CEP89: variants seen among roughly 807,000 people sequenced by gnomAD.
CEP89 encodes the protein centrosomal protein of 89 kDa.
In CEP89, 95 loss-of-function variants were observed where a neutral mutation model predicts 97.6. The ratio of observed to expected loss-of-function variants is 0.97; its 90% CI spans 0.82 to 1.15. The LOEUF (loss-of-function observed/expected upper bound fraction) is 1.15. Among genes scored for constraint, CEP89 ranks in the 50% most tolerant of loss-of-function variants. The pLI is 0.00. For missense variants in CEP89, 869 were observed against 947.7 expected (o/e 0.92, Z 1.09); for synonymous variants, 354 against 349.1 (o/e 1.01, Z -0.16).
chr19:32,887,954 T>C (rs991371596), intron 16 of CEP89, 113 bp from the exon 17 acceptor site: 26 of 679,530 alleles, frequency 3.8e-5, no homozygotes, highest in Admixed American at 2.4e-4. Context: ...TTCTGCAACC[T>C]GTCCTGCCTC....
chr19:32,927,269 T>G (rs2163808), intron 9 of CEP89, among the ~76,000 whole-genome samples: 66,332 of 151,976 alleles, frequency 0.44, 14,882 homozygotes, highest in East Asian at 0.65. Flanking sequence ...TGAAATGTTT[T>G]AGAGTAATTT....
intron 14 of CEP89, among the ~76,000 whole-genome samples, chr19:32,915,014 C>A (rs1970091106): frequency 6.6e-6 from 1 of 151,682 alleles, no homozygotes; most frequent in South Asian, 2.1e-4. Flanking sequence ...GAGTGAGAGT[C>A]CGTCCCAAAA....
At chr19:32,884,004 C>A (rs1969341414) in intron 17 of CEP89, among the ~76,000 whole-genome samples, 1 of 152,150 alleles carries the variant, frequency 6.6e-6, no homozygotes, top group African/African-American at 2.4e-5. Flanking sequence ...CAGGATCTCA[C>A]TATGTTGCCC....
intron 7 of CEP89, among the ~76,000 whole-genome samples, chr19:32,935,629 G>C (rs965505311): frequency 6.6e-6 from 1 of 152,186 alleles, no homozygotes; most frequent in Admixed American, 6.5e-5. Context: ...AAGTTAATCT[G>C]ACGCGGAGGA....
At chr19:32,935,119 G>A (rs1970553259) in intron 7 of CEP89, among the ~76,000 whole-genome samples, 1 of 152,198 alleles carries the variant, frequency 6.6e-6, no homozygotes, top group Non-Finnish European at 1.5e-5. Context: ...CAGGCCCTGA[G>A]GGCAGAAAGG....
intron 16 of CEP89, among the ~76,000 whole-genome samples, chr19:32,888,494 C>T (rs971749239): frequency 1.3e-5 from 2 of 152,042 alleles, no homozygotes; most frequent in African/African-American, 4.8e-5. Context: ...CTCCAGGTCA[C>T]ATGGAAAATC....
At chr19:32,887,581 G>A (rs1366386453) in intron 17 of CEP89, among the ~76,000 whole-genome samples, 171 bp downstream of exon 17, 1 of 152,104 alleles carries the variant, frequency 6.6e-6, no homozygotes, top group Non-Finnish European at 1.5e-5. Flanking sequence ...AAAGTTTATT[G>A]AATGAGGTGA....
At chr19:32,916,610 T>C (rs952634245) in intron 13 of CEP89, among the ~76,000 whole-genome samples, 2 of 152,238 alleles carry the variant, frequency 1.3e-5, no homozygotes, top group Non-Finnish European at 2.9e-5. Context: ...AATATTTTCA[T>C]CCTGTGTTAC....
intron 15 of CEP89, among the ~76,000 whole-genome samples, chr19:32,900,218 T>C (rs546248797): frequency 4.6e-5 from 7 of 150,590 alleles, no homozygotes; most frequent in African/African-American, 1.5e-4. Context: ...ATAAGAGGAG[T>C]TGCAAATGTC....
intron 14 of CEP89, among the ~76,000 whole-genome samples, chr19:32,915,056 T>C (rs1487568569): frequency 6.6e-6 from 1 of 151,742 alleles, no homozygotes; most frequent in Non-Finnish European, 1.5e-5. Flanking sequence ...TTCAGACACC[T>C]GTGCCACTAT....
At chr19:32,887,696 A>G (rs1969428879) in intron 17 of CEP89, 56 bp downstream of exon 17, 1 of 1,025,298 alleles carries the variant, frequency 9.8e-7, no homozygotes, top group Non-Finnish European at 1.5e-6. Context: ...AATCCACAGC[A>G]GTGAGCCTGC....
chr19:32,899,910 G>A lies in CEP89; in HGVS notation c.1822C>T (p.Leu608Phe), dbSNP rs1969727918. The change falls in exon 16 of 19, where the codon CTT (leucine) becomes TTT (phenylalanine). Residue 608 changes from leucine to phenylalanine, a missense_variant. Leu to Phe is a conservative substitution (Grantham distance 22). Transcript: ENST00000305768. ...EMSAHQYLAN[L>F]VGLAENITQE... ...GTTATGTTTTCTGCCAGGCCAACAAGGTTTGCCAGGTACTGATGAGCAGAC... is the reference window on the plus strand; with the variant it reads ...GTTATGTTTTCTGCCAGGCCAACAAAGTTTGCCAGGTACTGATGAGCAGAC... The A allele has an allele frequency of 7.4e-6, 12 of 1,613,726 alleles. No homozygotes were observed. The highest frequency in any genetic ancestry group is 1.0e-5 in the Non-Finnish European group (12 of 1,179,668).
chr19:32,900,313 A>G (rs1969738447), intron 15 of CEP89, among the ~76,000 whole-genome samples: 1 of 147,862 alleles, frequency 6.8e-6, no homozygotes, highest in African/African-American at 2.5e-5. Context: ...TGGCATGATC[A>G]TGGCTCACTG....
At chr19:32,959,611 T>G (rs1971121390) in intron 3 of CEP89, among the ~76,000 whole-genome samples, 2 of 152,164 alleles carry the variant, frequency 1.3e-5, no homozygotes, top group South Asian at 4.1e-4. Flanking sequence ...ATTAGCTCTG[T>G]GCCGCTGTGA....
chr19:32,925,658 T>C (rs1970342318), intron 11 of CEP89, among the ~76,000 whole-genome samples: 1 of 151,972 alleles, frequency 6.6e-6, no homozygotes, highest in Non-Finnish European at 1.5e-5. Context: ...CAGCTAATTT[T>C]TGTATTTTTA....
chr19:32,918,884 C>CTTTTTTTTTTTT (rs11339528), intron 12 of CEP89, among the ~76,000 whole-genome samples: 6 of 117,662 alleles, frequency 5.1e-5, no homozygotes, highest in East Asian at 2.7e-4. Context: ...TTTTCTTTTT[C>CTTTTTTTTTTTT]TTTTTTTTTT....
intron 2 of CEP89, among the ~76,000 whole-genome samples, chr19:32,965,161 C>T (rs1971254502): frequency 6.6e-6 from 1 of 152,124 alleles, no homozygotes; most frequent in South Asian, 2.1e-4. Context: ...AATTCTCCTG[C>T]CTCAGCCTCC....
Position 32,915,500 on chromosome 19 carries a change from G to T in CEP89, c.1402C>A (p.Gln468Lys). The change falls in exon 14 of 19, where the codon CAA (glutamine) becomes AAA (lysine). Residue 468 changes from glutamine (Q) to lysine (K), a missense_variant. Physicochemically the swap from Gln to Lys is moderately conservative, Grantham distance 53 (BLOSUM62 1). Transcript: ENST00000305768. Reference protein sequence around the residue: ...RLQEVSKLTKQLMLLEAKTHG... With the variant: ...RLQEVSKLTKKLMLLEAKTHG... ...GTTTTTGCCTCCAGGAGCATTAGTT[G>T]TTTAGTCAGCTTAGAAACTGAAAAT... is the stretch of plus-strand genomic sequence containing the variant. The T allele has an allele frequency of 6.2e-7, 1 of 1,610,086 alleles. No individual in the cohort carries two copies. The highest frequency in any genetic ancestry group is 1.1e-5 in the South Asian group (1 of 89,664).
chr19:32,929,368 G>A (rs1487741840), intron 9 of CEP89, among the ~76,000 whole-genome samples: 3 of 152,176 alleles, frequency 2.0e-5, no homozygotes, highest in Non-Finnish European at 4.4e-5. Context: ...TTGGGAGGCT[G>A]AGGAGGGTGG....
Sources: gnomAD v4.1 joint callset for allele counts (sites outside exome capture counted in the v4.1 genomes callset) on GRCh38, gnomAD v4.1.1 for gene constraint, MANE v1.5 for transcripts, NCBI Gene and HGNC (gene_info 2026-07-23, HGNC 2026-07-21) for gene names.